PCDHGB2: variants seen among roughly 807,000 people sequenced by gnomAD.
The protein encoded by PCDHGB2 is protocadherin gamma-B2.
PCDHGB2 carries 55 observed loss-of-function variants against 59.3 expected under a neutral mutation model. The ratio of observed to expected loss-of-function variants is 0.93; its 90% CI spans 0.75 to 1.16. The LOEUF (loss-of-function observed/expected upper bound fraction) is 1.16, where lower values mean the gene tolerates loss of function less well. Among genes scored for constraint, PCDHGB2 ranks in the 50% most tolerant of loss-of-function variants. PCDHGB2 has a pLI of 0.00. For missense variants in PCDHGB2, 1,228 were observed against 1,198.5 expected (o/e 1.02, Z -0.36); for synonymous variants, 516 against 512.0 (o/e 1.01, Z -0.11).
intron 1 of PCDHGB2, chr5:141,392,226 A>C (rs1468453380): frequency 1.3e-5 from 2 of 152,228 alleles, no homozygotes; most frequent in Non-Finnish European, 2.9e-5. Flanking sequence ...GTGACAACTG[A>C]AGTTCTTAGT....
intron 1 of PCDHGB2, chr5:141,402,791 C>A: frequency 1.0e-6 from 1 of 998,930 alleles, no homozygotes; most frequent in Non-Finnish European, 1.4e-6. Context: ...TCTGCGGCTA[C>A]ACAAAACCCG....
intron 1 of PCDHGB2, chr5:141,375,488 G>A: frequency 6.2e-7 from 1 of 1,613,976 alleles, no homozygotes; most frequent in East Asian, 2.2e-5. Flanking sequence ...CCCCAGGGGT[G>A]CCTCCATCTT....
chr5:141,415,599 C>G (rs201075690), intron 1 of PCDHGB2: 321 of 1,613,514 alleles, frequency 2.0e-4, no homozygotes, highest in South Asian at 6.6e-4. Context: ...TAGAGGATAC[C>G]CCATTGGTTC....
At position 141,454,320 on chromosome 5, in the gene PCDHGB2, C is replaced by T. The variant is rs140074578; in HGVS notation, c.2422-40487C>T. ...CAGATATTTCAAAGCATTGAAACCTCCAAGAATAAATAAAATGTTGGAAGT... is the reference window on the plus strand; with the variant it reads ...CAGATATTTCAAAGCATTGAAACCTTCAAGAATAAATAAAATGTTGGAAGT... On this transcript the variant is annotated intron_variant, in intron 1 of 3. Coordinates refer to ENST00000522605, the MANE Select transcript of PCDHGB2 (RefSeq NM_018923.3). Among the ~76,000 whole-genome samples, 592 of 152,266 alleles carry T rather than the reference C, an allele frequency of 3.9e-3. 6 individuals are homozygous for T. Among genetic ancestry groups the T allele is most frequent in the Admixed American group, 0.011 (171 of 15,288 alleles).
In PCDHGB2 at chr5:141,399,479, C is replaced by T. The variant is rs774561101; in HGVS notation, c.2421+36923C>T. 3 of 1,614,032 alleles carry T rather than the reference C, an allele frequency of 1.9e-6. No individual in the cohort carries two copies. In the Admixed American group the frequency reaches 5.0e-5, roughly 27 times the overall value. On this transcript the variant is annotated intron_variant, in intron 1 of 3. Transcript: ENST00000522605. ...GATAACGCTCCGGTTTTCCACCAGG[C>T]GTCCTACTTAGTCAGTGTACCCGAA...
chr5:141,398,661 C>A, intron 1 of PCDHGB2: 1 of 1,614,018 alleles, frequency 6.2e-7, no homozygotes, highest in Non-Finnish European at 8.5e-7. Context: ...ACCCAAGTTT[C>A]TCATTAATAA....
Position 141,510,999 on chromosome 5 carries a change from G to C in PCDHGB2, c.2622G>C (p.Leu874Phe). Residue 874 changes from leucine (L) to phenylalanine (F), a missense_variant, in exon 4 of 4, where the codon TTG (leucine) becomes TTC (phenylalanine). Around this residue, in one of 3 missense-constraint regions of PCDHGB2, gnomAD observed 433 missense variants for 441.8 expected, o/e 0.98. Coordinates refer to ENST00000522605, the MANE Select transcript of PCDHGB2 (RefSeq NM_018923.3). ...GAGGGGGTGCCGGCACCATGGGATT[G>C]AGCGCCCGCTACGGACCCCAGTTCA... ...TLGGGAGTMG[L>F]SARYGPQFTL... 6.2e-7 allele frequency: 1 copy of C among 1,614,144 alleles called. No homozygotes were observed. Among genetic ancestry groups the C allele is most frequent in the Non-Finnish European group, 8.5e-7 (1 of 1,180,008 alleles).
chr5:141,372,607 G>A, intron 1 of PCDHGB2: 1 of 1,614,000 alleles, frequency 6.2e-7, no homozygotes, highest in South Asian at 1.1e-5. Context: ...ACTGTACCTG[G>A]AGTTCTCCCC....
chr5:141,434,254 T>C (rs1440934691), intron 1 of PCDHGB2, among the ~76,000 whole-genome samples: 3 of 152,176 alleles, frequency 2.0e-5, no homozygotes, highest in Admixed American at 6.5e-5. Context: ...TTGGGCATTG[T>C]GGGGGAGGTG....
At chr5:141,399,728 G>A in intron 1 of PCDHGB2, 1 of 1,613,276 alleles carries the variant, frequency 6.2e-7, no homozygotes, top group East Asian at 2.2e-5. Flanking sequence ...CGCGACCAGG[G>A]CTCGCCTGCG....
At chr5:141,407,309 A>C (rs1197028846) in intron 1 of PCDHGB2, among the ~76,000 whole-genome samples, 1 of 152,240 alleles carries the variant, frequency 6.6e-6, no homozygotes, top group African/African-American at 2.4e-5. Flanking sequence ...AGTAGCCTTC[A>C]TACTTAGTAT....
chr5:141,508,647 C>T (rs1301017914), intron 3 of PCDHGB2, among the ~76,000 whole-genome samples: 4 of 152,090 alleles, frequency 2.6e-5, no homozygotes, highest in African/African-American at 9.7e-5. Flanking sequence ...CTCCGTCAGG[C>T]CCTTCCTGTC....
intron 1 of PCDHGB2, among the ~76,000 whole-genome samples, chr5:141,449,030 G>C (rs2098623784): frequency 6.6e-6 from 1 of 152,012 alleles, no homozygotes; most frequent in Non-Finnish European, 1.5e-5. Context: ...GCATTCCTTT[G>C]GATTATTAAC....
chr5:141,395,126 C>T, intron 1 of PCDHGB2: 3 of 1,614,196 alleles, frequency 1.9e-6, no homozygotes, highest in Non-Finnish European at 2.5e-6. Flanking sequence ...TGATCTTTCC[C>T]CAGCCCAACT....
At chr5:141,409,967 AC>A (rs779248187) in intron 1 of PCDHGB2, 29 of 1,613,086 alleles carry the variant, frequency 1.8e-5, no homozygotes, top group Non-Finnish European at 2.4e-5. Flanking sequence ...CTACCTAGTG[AC>A]TAAGGTGGTA....
In PCDHGB2 at chr5:141,418,134, G is replaced by A. The variant is rs367774534; in HGVS notation, c.2421+55578G>A. ...TTACTTGTGAAGGACCGAATAGACC[G>A]TGAGCAAATATGCAAAGAGAGAAGA... On this transcript the variant is annotated intron_variant, in intron 1 of 3. Transcript: ENST00000522605. The A allele has an allele frequency of 3.1e-6, 5 of 1,613,970 alleles. No individual in the cohort carries two copies. In the African/African-American group the frequency reaches 4.0e-5, roughly 13 times the overall value.
At chr5:141,414,677 AG>A in intron 1 of PCDHGB2, 1 of 1,613,794 alleles carries the variant, frequency 6.2e-7, no homozygotes, top group Non-Finnish European at 8.5e-7. Context: ...GACACCATCC[AG>A]GGGGTACCTC....
intron 1 of PCDHGB2, among the ~76,000 whole-genome samples, chr5:141,420,643 A>G (rs145459829): frequency 0.01 from 1,535 of 152,326 alleles, 17 homozygotes; most frequent in Non-Finnish European, 0.013. Flanking sequence ...GGAACCTTGT[A>G]AGAATTATAG....
rs1765306389 is a variant in PCDHGB2 at position 141,367,734 on chromosome 5, C to G, written c.2421+5178C>G. On this transcript the variant is annotated intron_variant, in intron 1 of 3. Transcript: ENST00000522605. The stretch of plus-strand genomic sequence containing the variant: ...TTGGGCTTCGTTCTGTGATGTAAAG[C>G]CTCCAGAGAGTTACATACTGCTGCA... 3 of 152,132 alleles carry G rather than the reference C, an allele frequency of 2.0e-5. No homozygotes were observed. In the South Asian group the frequency reaches 6.2e-4, roughly 32 times the overall value. The allele number at this position is 152,132 out of a possible 1,614,324, so 9.4% of individuals were successfully genotyped here. A position where few individuals can be genotyped will look rare whatever the true frequency, so the allele number is the denominator to read the frequency against.
Sources: gnomAD v4.1 joint callset for allele counts (sites outside exome capture counted in the v4.1 genomes callset) on GRCh38, gnomAD v4.1.1 for gene constraint, gnomAD v4.1.1 regional missense constraint, MANE v1.5 for transcripts, NCBI Gene and HGNC (gene_info 2026-07-23, HGNC 2026-07-21) for gene names.